The following THNSL2 variants were observed in gnomAD, a reference collection of about 807,000 sequenced individuals.
THNSL2 encodes threonine synthase-like 2.
Under a neutral mutation model 40.0 loss-of-function variants are expected in THNSL2, and 34 were observed. That is an observed-to-expected ratio of 0.85 (90% CI 0.65 to 1.13). The LOEUF is 1.13. THNSL2 is among the 50% of genes most tolerant of loss of function. The pLI, the probability that THNSL2 is intolerant of heterozygous loss-of-function variation, is 0.00. For synonymous variants in THNSL2, 241 were observed against 247.5 expected, an observed-to-expected ratio of 0.97 and a Z score of 0.25; for missense variants, 537 against 608.8, an observed-to-expected ratio of 0.88 and a Z score of 1.24.
chr2:88,180,799 T>C lies in THNSL2; in HGVS notation c.802+1786T>C, dbSNP rs57046850. On this transcript the variant is annotated intron_variant, in intron 5 of 8. Transcript: ENST00000674334. Reference sequence around the variant, plus strand: ...TGTTGGGGTGGACTGAGGTTACTGCTCTGGCCTCCCCTGGTGCCTGTGCAG... The same window carrying C: ...TGTTGGGGTGGACTGAGGTTACTGCCCTGGCCTCCCCTGGTGCCTGTGCAG... 3.9e-3 allele frequency among the ~76,000 whole-genome samples: 601 copies of C among 152,260 alleles called. 21 individuals are homozygous for C. The East Asian group carries it at 0.082, about 21-fold the overall frequency.
At chr2:88,179,513 G>A (rs1051161985) in intron 5 of THNSL2, among the ~76,000 whole-genome samples, 3 of 152,216 alleles carry the variant, frequency 2.0e-5, no homozygotes, top group Admixed American at 6.5e-5. Flanking sequence ...CTGAGAGGCT[G>A]TGGAGCAGTC....
chr2:88,175,757 C>T (rs1363464639), intron 4 of THNSL2: 1 of 191,608 alleles, frequency 5.2e-6, no homozygotes, highest in African/African-American at 2.3e-5. Flanking sequence ...GGTTTTTTTC[C>T]AAGACTCTGA....
At chr2:88,174,292 G>A (rs1193144427) in intron 2 of THNSL2, among the ~76,000 whole-genome samples, 2 of 152,134 alleles carry the variant, frequency 1.3e-5, no homozygotes, top group African/African-American at 4.8e-5. Flanking sequence ...CATTAGATGG[G>A]ATGCGACATT....
rs764221700 is a variant in THNSL2, at chr2:88,182,995, C to T, written c.999C>T (p.Asp333=). Residue 333 remains aspartate, a synonymous_variant, in exon 7 of 9, where the codon GAC becomes GAT. Transcript: ENST00000674334. Reference sequence around the variant, plus strand: ...TGTTCTGGCTGCTCTCTGGCTCTGACAGCCAGGTGACAAGAGCCCTCATGG... The same window carrying T: ...TGTTCTGGCTGCTCTCTGGCTCTGATAGCCAGGTGACAAGAGCCCTCATGG... The part of the protein sequence containing the change: ...ERVFWLLSGS[D]SQVTRALMEQ... The T allele has an allele frequency of 2.9e-5, 46 of 1,613,972 alleles. No homozygotes were observed. The South Asian group carries it at 4.5e-4, about 16-fold the overall frequency.
At chr2:88,173,512 T>G in intron 2 of THNSL2, 139 bp downstream of exon 2, 2 of 571,832 alleles carry the variant, frequency 3.5e-6, no homozygotes, top group Non-Finnish European at 2.6e-6. Flanking sequence ...TTCCTGACTC[T>G]AGAATCCCAG....
chr2:88,173,083 C>T, intron 1 of THNSL2, 56 bp from the exon 2 acceptor site: 1 of 1,305,534 alleles, frequency 7.7e-7, no homozygotes, highest in East Asian at 2.4e-5. Context: ...TTGGCTTTGC[C>T]CGGTGGGGTG....
intron 4 of THNSL2, chr2:88,175,901 C>T (rs1029248086): frequency 2.0e-5 from 3 of 153,506 alleles, no homozygotes; most frequent in African/African-American, 7.2e-5. Flanking sequence ...AGTTTGAGAC[C>T]AGCCTGGGCA....
At chr2:88,185,515 A>G in intron 8 of THNSL2, 36 bp downstream of exon 8, 1 of 1,575,064 alleles carries the variant, frequency 6.3e-7, no homozygotes, top group Non-Finnish European at 8.6e-7. Flanking sequence ...CTGAGGGACC[A>G]TTTGAATTTC....
In THNSL2 at chr2:88,182,942, G is replaced by A; in HGVS notation, c.952-6G>A. ...AGTCTGGACCTGAAACTGACTTTCT[G>A]CTCAGGTGCCCTACAACATGGAGAG... On this transcript the variant is annotated splice_polypyrimidine_tract_variant and splice_region_variant and intron_variant, in intron 6 of 8. Transcript: ENST00000674334. 6.2e-7 allele frequency: 1 copy of A among 1,614,118 alleles called. No homozygotes were observed. Among genetic ancestry groups the A allele is most frequent in the Non-Finnish European group, 8.5e-7 (1 of 1,180,020 alleles).
rs900902649 is a variant in THNSL2 at position 88,176,721 on chromosome 2, C to T, written c.571+1320C>T. The T allele has an allele frequency of 2.0e-5, 3 of 152,240 alleles. No individual in the cohort carries two copies. The East Asian group carries it at 5.8e-4, about 29-fold the overall frequency. The allele number at this position is 152,240 out of a possible 1,614,324, so 9.4% of individuals were successfully genotyped here. A position where few individuals can be genotyped will look rare whatever the true frequency, so the allele number is the denominator to read the frequency against. ...TTGTTCAAGAGCAAGCGAACTGCCC[C>T]TCTGCTCTGTTCTTTAGCAGGTGCA... On this transcript the variant is annotated intron_variant, in intron 4 of 8. Transcript: ENST00000674334.
rs755182621 is a variant in THNSL2, at chr2:88,182,864, T to G, written c.951+17T>G. 1 of 1,612,908 alleles carries G rather than the reference T, an allele frequency of 6.2e-7. No individual in the cohort carries two copies. Among genetic ancestry groups the G allele is most frequent in the South Asian group, 1.1e-5 (1 of 91,034 alleles). ...GACATTCAGGTAGGCCTGGGGGAGG[T>G]GTGCAGATCTGGCCCAGGTGTTGGT... On this transcript the variant is annotated intron_variant, in intron 6 of 8. Transcript: ENST00000674334.
chr2:88,173,128 C>A lies in THNSL2; in HGVS notation c.-12-11C>A. The A allele has an allele frequency of 6.7e-7, 1 of 1,496,110 alleles. No homozygotes were observed. The highest frequency in any genetic ancestry group is 8.9e-7 in the Non-Finnish European group (1 of 1,118,394). 92.7% of individuals were successfully genotyped at this position (1,496,110 alleles called of 1,614,324 possible). On this transcript the variant is annotated splice_polypyrimidine_tract_variant and intron_variant, in intron 1 of 8. Transcript: ENST00000674334. Reference sequence around the variant, plus strand: ...GGAGACCAGGTGCTTCTGGGACTGTCCTCTCTGCAGGCCTCCAGGATCATG... The same window carrying A: ...GGAGACCAGGTGCTTCTGGGACTGTACTCTCTGCAGGCCTCCAGGATCATG...
At chr2:88,181,113 T>C (rs1190957339) in intron 5 of THNSL2, among the ~76,000 whole-genome samples, 40 of 430 alleles carry the variant, frequency 0.093, no homozygotes, top group African/African-American at 0.22. Context: ...CTCTCTCTCC[T>C]CTCTCTCTCC....
chr2:88,177,682 T>C (rs1277506489), intron 4 of THNSL2, among the ~76,000 whole-genome samples: 2 of 152,218 alleles, frequency 1.3e-5, no homozygotes, highest in Non-Finnish European at 2.9e-5. Context: ...CTCATTCCTC[T>C]TGTGGTCATA....
chr2:88,178,726 ACCT>A (rs1677201579), intron 4 of THNSL2, 54 bp from the exon 5 acceptor site: 8 of 1,593,092 alleles, frequency 5.0e-6, no homozygotes, highest in Admixed American at 5.0e-5. Context: ...GTGAGTGCTG[ACCT>A]CCTGGGGGTT....
At chr2:88,173,439 T>TC in intron 2 of THNSL2, 66 bp downstream of exon 2, 1 of 1,277,450 alleles carries the variant, frequency 7.8e-7, no homozygotes, top group Non-Finnish European at 1.0e-6. Flanking sequence ...GAATTGTAAA[T>TC]CCATCACCAA....
At chr2:88,182,895 G>A (rs1558898056) in intron 6 of THNSL2, 48 bp downstream of exon 6, 1 of 1,611,964 alleles carries the variant, frequency 6.2e-7, no homozygotes, top group Non-Finnish European at 8.5e-7. Flanking sequence ...TTGGTTGGGT[G>A]GGGCTCGATG....
At position 88,186,352 on chromosome 2, in the gene THNSL2, C is replaced by T. The variant is rs906014272; in HGVS notation, c.*229C>T. The T allele has an allele frequency of 3.9e-5, 22 of 569,604 alleles. No homozygotes were observed. Among genetic ancestry groups the T allele is most frequent in the South Asian group, 2.6e-4 (13 of 49,782 alleles). 35.3% of individuals were successfully genotyped at this position (569,604 alleles called of 1,614,324 possible). On this transcript the variant is annotated 3_prime_UTR_variant, in exon 9 of 9. Coordinates refer to ENST00000674334, the MANE Select transcript of THNSL2 (RefSeq NM_018271.5). ...TTGCCGGAAGCACCCCCTCCCTCCCCGGCCCGTGCAGCAGTGTCTGAGCTG... is the reference window on the plus strand; with the variant it reads ...TTGCCGGAAGCACCCCCTCCCTCCCTGGCCCGTGCAGCAGTGTCTGAGCTG...
intron 7 of THNSL2, chr2:88,183,468 CTTATTA>C (rs1308524360): frequency 6.3e-6 from 1 of 157,866 alleles, no homozygotes; most frequent in East Asian, 1.8e-4. Context: ...CTTTCTTTTA[CTTATTA>C]TTATTGTTAA....
Sources: allele counts gnomAD v4.1 joint callset (sites outside exome capture counted in the v4.1 genomes callset), GRCh38; gene constraint gnomAD v4.1.1; transcripts MANE v1.5; gene names NCBI Gene and HGNC (gene_info 2026-07-23, HGNC 2026-07-21).